Variants in ZZZ3 observed in about 807,000 individuals in gnomAD.
ZZZ3 encodes ZZ-type zinc finger-containing protein 3.
In ZZZ3, 22 loss-of-function variants were observed where a neutral mutation model predicts 95.2. The observed-to-expected ratio is 0.23, with a 90% confidence interval of 0.17 to 0.33. The LOEUF (loss-of-function observed/expected upper bound fraction) is 0.33. Among genes scored for constraint, ZZZ3 ranks in the 10% least tolerant of loss-of-function variants. The pLI, the probability that ZZZ3 is intolerant of heterozygous loss-of-function variation, is 1.00. For missense variants in ZZZ3, 885 were observed against 1,066.5 expected, an observed-to-expected ratio of 0.83 and a Z score of 2.37; for synonymous variants, 335 against 358.9, an observed-to-expected ratio of 0.93 and a Z score of 0.75.
chr1:77,566,065 T>C lies in ZZZ3; in HGVS notation c.2567+16A>G. 1 of 1,589,476 alleles carries C rather than the reference T, an allele frequency of 6.3e-7. No individual in the cohort carries two copies. The highest frequency in any genetic ancestry group is 1.1e-5 in the South Asian group (1 of 88,348). On this transcript the variant is annotated intron_variant, in intron 14 of 14. Coordinates refer to ENST00000370801, the MANE Select transcript of ZZZ3 (RefSeq NM_015534.6). ...TCTTGTCTAAGTTGAAGACTGACAATGAAGAAAACACTTACCAGTCTGAAC... is the reference window on the plus strand; with the variant it reads ...TCTTGTCTAAGTTGAAGACTGACAACGAAGAAAACACTTACCAGTCTGAAC...
chr1:77,647,338 G>A (rs1340932756), intron 1 of ZZZ3, among the ~76,000 whole-genome samples: 1 of 152,102 alleles, frequency 6.6e-6, no homozygotes, highest in Non-Finnish European at 1.5e-5. Flanking sequence ...AGCCAACATG[G>A]CGAAAACCCA....
chr1:77,649,625 G>C (rs1037629654), intron 1 of ZZZ3, among the ~76,000 whole-genome samples: 1 of 152,176 alleles, frequency 6.6e-6, no homozygotes, highest in African/African-American at 2.4e-5. Context: ...GCTCATGCCT[G>C]TAATCCCAAC....
At position 77,616,862 on chromosome 1, in the gene ZZZ3, G is replaced by A. The variant is rs559991404; in HGVS notation, c.1505+14988C>T. On this transcript the variant is annotated intron_variant, in intron 5 of 14. Coordinates refer to ENST00000370801, the MANE Select transcript of ZZZ3 (RefSeq NM_015534.6). ...AGCCTGGGAAACAGAGTGAGACTTC[G>A]TCTCTAAAATAAATAAATAAATAAA... is the stretch of plus-strand genomic sequence containing the variant. Among the ~76,000 whole-genome samples, 92 of 151,984 alleles carry A rather than the reference G, an allele frequency of 6.1e-4. 1 individual carries two copies. The highest frequency in any genetic ancestry group is 2.2e-3 in the African/African-American group (90 of 41,460).
intron 5 of ZZZ3, among the ~76,000 whole-genome samples, chr1:77,604,524 C>T (rs1003027320): frequency 4.6e-5 from 7 of 152,056 alleles, no homozygotes; most frequent in African/African-American, 1.4e-4. Flanking sequence ...CAAGAATTAC[C>T]AGCATCATCT....
intron 5 of ZZZ3, among the ~76,000 whole-genome samples, chr1:77,607,379 G>A (rs1335304741): frequency 6.6e-6 from 1 of 152,196 alleles, no homozygotes; most frequent in Non-Finnish European, 1.5e-5. Flanking sequence ...AATTCAAGGT[G>A]AGACTTGGGT....
chr1:77,623,853 C>A (rs924155217), intron 5 of ZZZ3, among the ~76,000 whole-genome samples: 2 of 151,656 alleles, frequency 1.3e-5, no homozygotes, highest in Non-Finnish European at 1.5e-5. Flanking sequence ...AATAAAGAGA[C>A]AAACAAAAGC....
Position 77,581,846 on chromosome 1 carries a change from T to G in ZZZ3, c.1838A>C (p.Asp613Ala), listed in dbSNP as rs1662559363. The change falls in exon 8 of 15, where the codon GAT becomes GCT. Residue 613 changes from aspartate to alanine, a missense_variant. By Grantham distance (126) the Asp-to-Ala change is moderately radical (BLOSUM62 -2). Coordinates refer to ENST00000370801, the MANE Select transcript of ZZZ3 (RefSeq NM_015534.6). ...CATAGAATATGAAAGGGACTCTCCA[T>G]CCTTCTTAGGATCTAAAGGACTTTT... The part of the protein sequence containing the change: ...RPKSPLDPKK[D>A]GESLSYSMLP... 6.2e-7 allele frequency: 1 copy of G among 1,614,068 alleles called. No homozygotes were observed. Among genetic ancestry groups the G allele is most frequent in the African/African-American group, 1.3e-5 (1 of 75,058 alleles).
intron 5 of ZZZ3, among the ~76,000 whole-genome samples, chr1:77,590,649 G>A (rs1185956594): frequency 6.6e-6 from 1 of 152,188 alleles, no homozygotes; most frequent in Non-Finnish European, 1.5e-5. Context: ...GATCCCCCCA[G>A]GGGGTTAAAC....
At chr1:77,613,598 G>T (rs1666021140) in intron 5 of ZZZ3, among the ~76,000 whole-genome samples, 2 of 151,952 alleles carry the variant, frequency 1.3e-5, no homozygotes. Flanking sequence ...CTATGCAATT[G>T]TAAGGAAGAG....
At chr1:77,577,799 TTAG>T (rs1190325461) in intron 11 of ZZZ3, among the ~76,000 whole-genome samples, 2 of 152,218 alleles carry the variant, frequency 1.3e-5, no homozygotes, top group Non-Finnish European at 2.9e-5. Flanking sequence ...TTTTGTATTC[TTAG>T]TAGAGACGGG....
intron 4 of ZZZ3, among the ~76,000 whole-genome samples, chr1:77,633,897 C>T (rs983705709): frequency 6.6e-6 from 1 of 152,052 alleles, no homozygotes; most frequent in Non-Finnish European, 1.5e-5. Context: ...TTCGGCCGGG[C>T]GCAGTGGCTC....
At chr1:77,591,575 C>T (rs906554836) in intron 5 of ZZZ3, among the ~76,000 whole-genome samples, 3 of 152,124 alleles carry the variant, frequency 2.0e-5, no homozygotes, top group Non-Finnish European at 2.9e-5. Context: ...AACTCCTGGC[C>T]TCAAGGGATC....
chr1:77,654,500 T>C (rs778297870), intron 1 of ZZZ3, among the ~76,000 whole-genome samples: 1 of 152,090 alleles, frequency 6.6e-6, no homozygotes, highest in Non-Finnish European at 1.5e-5. Flanking sequence ...CCAAATATAA[T>C]AATATTTTTA....
At chr1:77,581,702 C>A (rs1402482600) in intron 8 of ZZZ3, 74 bp downstream of exon 8, 4 of 1,219,714 alleles carry the variant, frequency 3.3e-6, no homozygotes, top group South Asian at 1.5e-5. Flanking sequence ...ATTTTAAGAA[C>A]ACAAACCAGC....
chr1:77,647,676 T>C (rs763875903), intron 1 of ZZZ3, among the ~76,000 whole-genome samples: 4 of 152,222 alleles, frequency 2.6e-5, no homozygotes, highest in Non-Finnish European at 5.9e-5. Context: ...ATAATTTAAT[T>C]ATCTTAAGAA....
chr1:77,681,627 C>A (rs1672761696), intron 1 of ZZZ3, among the ~76,000 whole-genome samples: 2 of 152,088 alleles, frequency 1.3e-5, no homozygotes, highest in Admixed American at 6.5e-5. Context: ...CACGCCTGTA[C>A]AGTGCTGAAA....
chr1:77,678,332 A>G (rs1672451212), intron 1 of ZZZ3, among the ~76,000 whole-genome samples: 6 of 152,116 alleles, frequency 3.9e-5, no homozygotes, highest in Admixed American at 3.3e-4. Context: ...GAAGTTCCAT[A>G]CACAGTAGCA....
intron 1 of ZZZ3, among the ~76,000 whole-genome samples, chr1:77,678,040 T>C (rs1438047112): frequency 6.6e-6 from 1 of 152,066 alleles, no homozygotes; most frequent in Non-Finnish European, 1.5e-5. Flanking sequence ...AGGCCAGCAA[T>C]GCAATGAAAA....
chr1:77,639,298 C>A (rs1668563861), intron 4 of ZZZ3, 151 bp downstream of exon 4: 3 of 467,292 alleles, frequency 6.4e-6, no homozygotes, highest in East Asian at 3.5e-5. Flanking sequence ...CCATTCCCTG[C>A]AGCTCCATAC....
Sources: allele counts gnomAD v4.1 joint callset (sites outside exome capture counted in the v4.1 genomes callset), GRCh38; gene constraint gnomAD v4.1.1; transcripts MANE v1.5; gene names NCBI Gene and HGNC (gene_info 2026-07-23, HGNC 2026-07-21).